Variants in PHLPP1 observed in about 807,000 individuals in gnomAD.
PHLPP1 encodes the protein PH domain and leucine rich repeat protein phosphatase 1, also known as PH domain leucine-rich repeat-containing protein phosphatase 1.
PHLPP1 carries 42 observed loss-of-function variants against 117.2 expected under a neutral mutation model. The observed-to-expected ratio is 0.36, with a 90% CI of 0.28 to 0.46. PHLPP1 has a LOEUF of 0.46. Among genes scored for constraint, PHLPP1 ranks in the 20% least tolerant of loss-of-function variants. The probability of loss-of-function intolerance (pLI) is 1.00; values close to 1 mark genes in which losing one functional copy is unlikely to be tolerated. For missense variants in PHLPP1, 2,084 were observed against 2,241.9 expected, an observed-to-expected ratio of 0.93 and a Z score of 1.42; for synonymous variants, 1,042 against 970.7, an observed-to-expected ratio of 1.07 and a Z score of -1.37.
At chr18:62,917,304 T>A (rs1909318357) in intron 9 of PHLPP1, among the ~76,000 whole-genome samples, 1 of 151,668 alleles carries the variant, frequency 6.6e-6, no homozygotes, top group African/African-American at 2.4e-5. Context: ...TAATTTGTTC[T>A]GTATCAGAAC....
chr18:62,808,046 T>A lies in PHLPP1; in HGVS notation c.1577-21989T>A, dbSNP rs549670403. Among the ~76,000 whole-genome samples, 187 of 152,356 alleles carry A rather than the reference T, an allele frequency of 1.2e-3. 1 individual carries two copies. The highest frequency in any genetic ancestry group is 3.4e-3 in the Middle Eastern group (1 of 294). On this transcript the variant is annotated intron_variant, in intron 1 of 16. Transcript: ENST00000262719. The stretch of plus-strand genomic sequence containing the variant: ...TCATCCTATGTGTGTGTGGTCTGTC[T>A]TGACCAAAAAGTTATGCGGTGCATG...
chr18:62,924,792 C>T (rs139431831), intron 10 of PHLPP1, among the ~76,000 whole-genome samples: 20 of 148,686 alleles, frequency 1.3e-4, no homozygotes, highest in African/African-American at 4.5e-4. Flanking sequence ...GAGCTCTGAT[C>T]ACGCCACCTA....
At chr18:62,889,503 C>T (rs528416341) in intron 4 of PHLPP1, 1 of 152,362 alleles carries the variant, frequency 6.6e-6, no homozygotes, top group African/African-American at 2.4e-5. Flanking sequence ...TGGGATTCTG[C>T]ACTGAATATG....
In PHLPP1 at chr18:62,839,043, G is replaced by A. The variant is rs1599075435; in HGVS notation, c.1899+134G>A. ...CCTCCCCAGATACTGCCAGTGATTA[G>A]CAATTTTTAGTTTTTTAAAAACTAA... On this transcript the variant is annotated intron_variant, in intron 3 of 16. Coordinates refer to ENST00000262719, the MANE Select transcript of PHLPP1 (RefSeq NM_194449.4). 18 of 903,952 alleles carry A rather than the reference G, an allele frequency of 2.0e-5. No homozygotes were observed. The East Asian group carries it at 4.3e-4, about 22-fold the overall frequency. 56.0% of individuals were successfully genotyped at this position (903,952 alleles called of 1,614,324 possible).
intron 1 of PHLPP1, among the ~76,000 whole-genome samples, chr18:62,782,858 G>A (rs969506447): frequency 5.3e-5 from 8 of 152,112 alleles, no homozygotes; most frequent in African/African-American, 1.9e-4. Context: ...AAGATCAGAT[G>A]TTTTCGGGGC....
At chr18:62,963,687 A>G (rs1910827703) in intron 14 of PHLPP1, among the ~76,000 whole-genome samples, 1 of 152,196 alleles carries the variant, frequency 6.6e-6, no homozygotes, top group Non-Finnish European at 1.5e-5. Flanking sequence ...TTAGTAGGAG[A>G]CGTTGCTAGG....
rs1357433347 is a variant in PHLPP1 at position 62,979,662 on chromosome 18, C to T, written c.*231C>T. 4 of 564,648 alleles carry T rather than the reference C, an allele frequency of 7.1e-6. No individual in the cohort carries two copies. The highest frequency in any genetic ancestry group is 9.4e-6 in the Non-Finnish European group (3 of 319,578). The allele number at this position is 564,648 out of a possible 1,614,324, so 35.0% of individuals were successfully genotyped here. A position where few individuals can be genotyped will look rare whatever the true frequency, so the allele number is the denominator to read the frequency against. ...TATGATTTACATTTGTTAACTTCTC[C>T]CCCTAACATATCAGATATGTAAAGA... is the stretch of plus-strand genomic sequence containing the variant. On this transcript the variant is annotated 3_prime_UTR_variant, in exon 17 of 17. Transcript: ENST00000262719.
Position 62,716,938 on chromosome 18 carries a change from G to C in PHLPP1, c.1255G>C (p.Ala419Pro), listed in dbSNP as rs1279321364. Reference sequence around the variant, plus strand: ...TTCCTCGCCTCAGCCGCAGCAGAAAGCCCCGAGGGCCATTGACAGCCCGGG... The same window carrying C: ...TTCCTCGCCTCAGCCGCAGCAGAAACCCCCGAGGGCCATTGACAGCCCGGG... ...TASSPQPQQK[A>P]PRAIDSPGGA... Residue 419 changes from alanine (A) to proline (P), a missense_variant, in exon 1 of 17, where the codon GCC (alanine) becomes CCC (proline). Coordinates refer to ENST00000262719, the MANE Select transcript of PHLPP1 (RefSeq NM_194449.4). This position sits in a 1 kb window ranked among gnomAD's most constrained non-coding sequence, Gnocchi z 5.7. 5 of 1,535,698 alleles carry C rather than the reference G, an allele frequency of 3.3e-6. No individual in the cohort carries two copies. The highest frequency in any genetic ancestry group is 4.4e-6 in the Non-Finnish European group (5 of 1,145,688).
At chr18:62,778,243 G>A (rs1436629156) in intron 1 of PHLPP1, among the ~76,000 whole-genome samples, 1 of 152,022 alleles carries the variant, frequency 6.6e-6, no homozygotes, top group African/African-American at 2.4e-5. Context: ...CTTTTTTTGA[G>A]GGAATAGTTG....
At chr18:62,793,867 C>A (rs981964559) in intron 1 of PHLPP1, among the ~76,000 whole-genome samples, 3 of 152,174 alleles carry the variant, frequency 2.0e-5, no homozygotes, top group African/African-American at 7.2e-5. Context: ...AAACTGGGGT[C>A]TGTCAGCCTG....
chr18:62,742,519 TC>T (rs1045754661), intron 1 of PHLPP1, among the ~76,000 whole-genome samples: 2 of 152,208 alleles, frequency 1.3e-5, no homozygotes, highest in South Asian at 2.1e-4. Flanking sequence ...CACTGCAACT[TC>T]CGCCTCCCGG....
chr18:62,970,101 T>A (rs1290808334), intron 14 of PHLPP1, among the ~76,000 whole-genome samples: 2 of 152,190 alleles, frequency 1.3e-5, no homozygotes, highest in Non-Finnish European at 2.9e-5. Flanking sequence ...TTATTCTTAT[T>A]CTACCGTGTG....
chr18:62,898,253 A>C (rs761896971), intron 6 of PHLPP1, among the ~76,000 whole-genome samples: 2 of 152,218 alleles, frequency 1.3e-5, no homozygotes, highest in Non-Finnish European at 2.9e-5. Flanking sequence ...CATTTAACCA[A>C]ATACATGTAA....
chr18:62,896,401 C>G (rs898086813), intron 6 of PHLPP1, among the ~76,000 whole-genome samples: 3 of 151,656 alleles, frequency 2.0e-5, no homozygotes, highest in Admixed American at 2.0e-4. Flanking sequence ...ATGCCATTCT[C>G]CTGTCTCAGC....
chr18:62,810,295 T>C (rs1914072577), intron 1 of PHLPP1, among the ~76,000 whole-genome samples: 1 of 152,230 alleles, frequency 6.6e-6, no homozygotes, highest in Non-Finnish European at 1.5e-5. Flanking sequence ...CATATTTCCC[T>C]AGCAATCTAT....
At chr18:62,736,792 G>A (rs943986169) in intron 1 of PHLPP1, among the ~76,000 whole-genome samples, 4 of 152,142 alleles carry the variant, frequency 2.6e-5, no homozygotes, top group African/African-American at 7.2e-5. Context: ...TTCAGTGGAG[G>A]TTTGTCACTT....
chr18:62,747,878 C>T (rs370727468), intron 1 of PHLPP1, among the ~76,000 whole-genome samples: 2 of 152,100 alleles, frequency 1.3e-5, no homozygotes, highest in East Asian at 1.9e-4. Context: ...TTTTCAAATA[C>T]ATCAGAATTT....
intron 3 of PHLPP1, among the ~76,000 whole-genome samples, chr18:62,850,585 A>T (rs1439314318): frequency 6.6e-6 from 1 of 152,068 alleles, no homozygotes; most frequent in African/African-American, 2.4e-5. Context: ...TTTTAAAGAG[A>T]TTGTTTATAC....
chr18:62,926,252 G>A (rs1411461359), intron 10 of PHLPP1, among the ~76,000 whole-genome samples: 1 of 152,114 alleles, frequency 6.6e-6, no homozygotes, highest in Non-Finnish European at 1.5e-5. Context: ...CCTGGAGAAC[G>A]GAGTTGAGTG....
Sources: allele counts gnomAD v4.1 joint callset (sites outside exome capture counted in the v4.1 genomes callset), GRCh38; gene constraint gnomAD v4.1.1; non-coding constraint Gnocchi (gnomAD v3.1); transcripts MANE v1.5; gene names NCBI Gene and HGNC (gene_info 2026-07-23, HGNC 2026-07-21).